ARHGEF28: variants seen among roughly 807,000 people sequenced by gnomAD.
ARHGEF28 encodes the protein Rho guanine nucleotide exchange factor 28.
Under a neutral mutation model 206.6 loss-of-function variants are expected in ARHGEF28, and 152 were observed. The ratio of observed to expected loss-of-function variants is 0.74; its 90% confidence interval spans 0.64 to 0.84. ARHGEF28 has a LOEUF of 0.84. ARHGEF28 is among the 40% of genes least tolerant of loss of function. ARHGEF28 has a pLI of 0.00. For missense variants in ARHGEF28, 2,028 were observed against 2,073.2 expected (o/e 0.98, Z 0.42); for synonymous variants, 763 against 776.4 (o/e 0.98, Z 0.29).
chr5:73,873,879 G>T (rs1388044505), intron 22 of ARHGEF28, among the ~76,000 whole-genome samples: 1 of 151,826 alleles, frequency 6.6e-6, no homozygotes, highest in Non-Finnish European at 1.5e-5. Flanking sequence ...ATTTTTCTGG[G>T]ATAAATGCCC....
intron 26 of ARHGEF28, 139 bp from the exon 27 acceptor site, chr5:73,891,913 C>T: frequency 1.4e-6 from 1 of 720,054 alleles, no homozygotes; most frequent in South Asian, 2.3e-5. Context: ...GAGATTGTAT[C>T]AACTTCTACA....
chr5:73,889,127 T>G lies in ARHGEF28; in HGVS notation c.3387+1448T>G, dbSNP rs1029327514. ...GTTAACACTGTAGGAAATTGAAGCATTTGGCTAGGGATATACAGATATCTG... is the reference window on the plus strand; with the variant it reads ...GTTAACACTGTAGGAAATTGAAGCAGTTGGCTAGGGATATACAGATATCTG... On this transcript the variant is annotated intron_variant, in intron 26 of 35. Transcript: ENST00000513042. Among the ~76,000 whole-genome samples, 3 of 152,322 alleles carry G rather than the reference T, an allele frequency of 2.0e-5. No homozygotes were observed. The South Asian group carries it at 6.2e-4, about 32-fold the overall frequency.
intron 22 of ARHGEF28, among the ~76,000 whole-genome samples, chr5:73,878,754 C>T (rs1760707297): frequency 6.6e-6 from 1 of 150,458 alleles, no homozygotes; most frequent in African/African-American, 2.5e-5. Flanking sequence ...ATATTGGCCC[C>T]CAGTCTCTTC....
intron 35 of ARHGEF28, among the ~76,000 whole-genome samples, chr5:73,933,307 C>T (rs1415026548): frequency 6.6e-6 from 1 of 152,066 alleles, no homozygotes; most frequent in African/African-American, 2.4e-5. Flanking sequence ...AGAGCAAAGC[C>T]CATACCTGAA....
rs772543205 is a variant in ARHGEF28, at chr5:73,894,402, C to G, written c.3668C>G (p.Thr1223Ser). ...AAATACTATTTCATAGAAATACTCA[C>G]TAACCAAGACCAACAAATTTGTGCG... The part of the protein sequence containing the change: ...AKIQQCQEIL[T>S]NQDQQICAYL... Residue 1223 changes from threonine (T) to serine (S), a missense_variant, in exon 29 of 36, where the codon ACT (threonine) becomes AGT (serine). Coordinates refer to ENST00000513042, the MANE Select transcript of ARHGEF28 (RefSeq NM_001177693.2). 13 of 1,609,538 alleles carry G rather than the reference C, an allele frequency of 8.1e-6. No individual in the cohort carries two copies. The highest frequency in any genetic ancestry group is 3.3e-4 in the Middle Eastern group (2 of 6,074).
At chr5:73,683,908 A>C (rs1244597921) in intron 1 of ARHGEF28, among the ~76,000 whole-genome samples, 1 of 152,188 alleles carries the variant, frequency 6.6e-6, no homozygotes, top group East Asian at 1.9e-4. Context: ...TTTTAGGAGC[A>C]GTCTATGGGA....
chr5:73,733,947 G>A (rs1750755198), intron 2 of ARHGEF28, among the ~76,000 whole-genome samples: 1 of 152,036 alleles, frequency 6.6e-6, no homozygotes. Flanking sequence ...GCCAGAGCAG[G>A]AACAAGAGAG....
rs559209361 is a variant in ARHGEF28 at position 73,724,387 on chromosome 5, A to G, written c.34-25450A>G. 4.6e-5 allele frequency among the ~76,000 whole-genome samples: 7 copies of G among 152,346 alleles called. 1 individual carries two copies. Among genetic ancestry groups the G allele is most frequent in the Admixed American group, 3.3e-4 (5 of 15,310 alleles). On this transcript the variant is annotated intron_variant, in intron 2 of 35. Transcript: ENST00000513042. ...TGAATAGAATTTCAGTTCTAAATGC[A>G]TGATTCTTTTGAAAAAGGCAGATAC... is the stretch of plus-strand genomic sequence containing the variant.
chr5:73,885,857 T>C lies in ARHGEF28; in HGVS notation c.3063T>C (p.Thr1021=). The part of the protein sequence containing the change: ...ERILQYTKER[T]EEHKDLRKAL... ...TTTCTTTTTCCCACGCAGAAAGAACTGAGGAACATAAAGACTTACGCAAAG... is the reference window on the plus strand; with the variant it reads ...TTTCTTTTTCCCACGCAGAAAGAACCGAGGAACATAAAGACTTACGCAAAG... The change falls in exon 25 of 36, where the codon ACT becomes ACC. Residue 1021 remains threonine (T), a synonymous_variant. Coordinates refer to ENST00000513042, the MANE Select transcript of ARHGEF28 (RefSeq NM_001177693.2). The C allele has an allele frequency of 6.2e-7, 1 of 1,607,734 alleles. No individual in the cohort carries two copies. Among genetic ancestry groups the C allele is most frequent in the Non-Finnish European group, 8.5e-7 (1 of 1,177,520 alleles).
chr5:73,818,892 A>C (rs150022099), intron 9 of ARHGEF28, among the ~76,000 whole-genome samples: 1 of 152,208 alleles, frequency 6.6e-6, no homozygotes, highest in African/African-American at 2.4e-5. Flanking sequence ...CCTCTCCATC[A>C]CTTCTAGTTT....
At chr5:73,881,943 A>G (rs934240879) in intron 22 of ARHGEF28, among the ~76,000 whole-genome samples, 1 of 152,100 alleles carries the variant, frequency 6.6e-6, no homozygotes, top group Non-Finnish European at 1.5e-5. Context: ...CCCTTGATCT[A>G]TTTGTAATGT....
intron 1 of ARHGEF28, among the ~76,000 whole-genome samples, chr5:73,678,050 A>G (rs1016120687): frequency 6.6e-6 from 1 of 152,246 alleles, no homozygotes; most frequent in African/African-American, 2.4e-5. Context: ...GAGGCACAGC[A>G]TGGTTTAGCC....
In ARHGEF28 at chr5:73,758,067, T is replaced by C. The variant is rs561542810; in HGVS notation, c.475+4865T>C. ...TCAAACTACCTCCCTCCACTTGTGTTCCCAGTAGCTTGATATGGCTGGCAA... is the reference window on the plus strand; with the variant it reads ...TCAAACTACCTCCCTCCACTTGTGTCCCCAGTAGCTTGATATGGCTGGCAA... On this transcript the variant is annotated intron_variant, in intron 4 of 35. Transcript: ENST00000513042. Among the ~76,000 whole-genome samples, 57 of 152,234 alleles carry C rather than the reference T, an allele frequency of 3.7e-4. 2 individuals are homozygous for C. The highest frequency in any genetic ancestry group is 6.8e-3 in the Middle Eastern group (2 of 294).
chr5:73,691,333 A>T (rs1043637564), intron 2 of ARHGEF28, among the ~76,000 whole-genome samples: 20 of 152,032 alleles, frequency 1.3e-4, no homozygotes, highest in Admixed American at 1.2e-3. Flanking sequence ...ATGATATTTC[A>T]TAAGGAATTA....
intron 7 of ARHGEF28, among the ~76,000 whole-genome samples, chr5:73,783,149 A>G (rs1217901528): frequency 6.6e-6 from 1 of 152,196 alleles, no homozygotes; most frequent in Non-Finnish European, 1.5e-5. Flanking sequence ...TAATTGCTAC[A>G]GGAGTTATTT....
At chr5:73,852,303 T>C (rs1370669170) in intron 13 of ARHGEF28, among the ~76,000 whole-genome samples, 1 of 152,190 alleles carries the variant, frequency 6.6e-6, no homozygotes, top group East Asian at 1.9e-4. Context: ...GGCATTAGTG[T>C]TATGAAGAAT....
At chr5:73,665,331 AT>A in intron 1 of ARHGEF28, among the ~76,000 whole-genome samples, 1 of 152,054 alleles carries the variant, frequency 6.6e-6, no homozygotes, top group Admixed American at 6.5e-5. Context: ...CTATTTATTT[AT>A]TTTTTTAGAG....
At chr5:73,867,847 C>T (rs754860653) in intron 18 of ARHGEF28, 29 bp from the exon 19 acceptor site, 1 of 1,613,704 alleles carries the variant, frequency 6.2e-7, no homozygotes, top group South Asian at 1.1e-5. Context: ...GACCTGGAAA[C>T]CACATGAAGC....
chr5:73,862,919 A>C (rs1476271060), intron 16 of ARHGEF28: 12 of 151,120 alleles, frequency 7.9e-5, no homozygotes, highest in Admixed American at 7.9e-4. Context: ...TTCTGTCCTC[A>C]AAAGGCTAAA....
Sources: gnomAD v4.1 joint callset for allele counts (sites outside exome capture counted in the v4.1 genomes callset) on GRCh38, gnomAD v4.1.1 for gene constraint, MANE v1.5 for transcripts, NCBI Gene and HGNC (gene_info 2026-07-23, HGNC 2026-07-21) for gene names.